ZSCAN2: variants seen among roughly 807,000 people sequenced by gnomAD.
ZSCAN2 encodes zinc finger and SCAN domain containing 2.
A neutral mutation model predicts 47.8 loss-of-function variants in ZSCAN2; 26 were observed. The observed-to-expected ratio is 0.54, with a 90% CI of 0.40 to 0.75. The LOEUF (loss-of-function observed/expected upper bound fraction) is 0.75. Among genes scored for constraint, ZSCAN2 ranks in the 30% least tolerant of loss-of-function variants. ZSCAN2 has a pLI of 0.00. For synonymous variants in ZSCAN2, 305 were observed against 288.7 expected (o/e 1.06, Z -0.57); for missense variants, 732 against 785.4 (o/e 0.93, Z 0.81).
chr15:84,615,618 A>G (rs185179994), intron 2 of ZSCAN2, among the ~76,000 whole-genome samples: 1 of 152,098 alleles, frequency 6.6e-6, no homozygotes, highest in Non-Finnish European at 1.5e-5. Context: ...ACCTGAGCCA[A>G]CGCGCCTGGC....
intron 2 of ZSCAN2, among the ~76,000 whole-genome samples, chr15:84,617,987 C>A (rs535874069): frequency 6.6e-6 from 1 of 152,278 alleles, no homozygotes; most frequent in Non-Finnish European, 1.5e-5. Context: ...TGACTGAAGG[C>A]AAGAGTGGAG....
At chr15:84,619,285 C>T (rs945438458) in intron 2 of ZSCAN2, among the ~76,000 whole-genome samples, 2 of 152,082 alleles carry the variant, frequency 1.3e-5, no homozygotes, top group African/African-American at 4.8e-5. Context: ...AAAAAATTAG[C>T]CGGGTGTGGT....
At chr15:84,619,104 T>G (rs1895757726) in intron 2 of ZSCAN2, among the ~76,000 whole-genome samples, 1 of 152,192 alleles carries the variant, frequency 6.6e-6, no homozygotes, top group Non-Finnish European at 1.5e-5. Flanking sequence ...ACTGGAAGGT[T>G]TAACAAGTTC....
intron 2 of ZSCAN2, chr15:84,614,443 C>A (rs1208833078): frequency 6.6e-6 from 1 of 152,138 alleles, no homozygotes; most frequent in African/African-American, 2.4e-5. Context: ...GTTAGAATGT[C>A]ATTTCTACAC....
At chr15:84,606,264 C>G in intron 2 of ZSCAN2, 1 of 422,626 alleles carries the variant, frequency 2.4e-6, no homozygotes, top group East Asian at 5.4e-5. Context: ...AGTGACCCAG[C>G]CCTGCCCTGG....
chr15:84,605,603 G>T (rs1449049445), intron 2 of ZSCAN2, among the ~76,000 whole-genome samples: 1 of 152,202 alleles, frequency 6.6e-6, no homozygotes, highest in Non-Finnish European at 1.5e-5. Flanking sequence ...GGAAGGGTGG[G>T]TGAGGGCTTG....
intron 2 of ZSCAN2, among the ~76,000 whole-genome samples, chr15:84,604,654 G>A (rs933699636): frequency 2.6e-5 from 4 of 152,126 alleles, no homozygotes; most frequent in African/African-American, 7.2e-5. Context: ...GCACCTTCAC[G>A]TGGTTGTGCA....
In ZSCAN2 at chr15:84,621,848, C is replaced by A; in HGVS notation, c.1653C>A (p.Ala551=). 6.2e-7 allele frequency: 1 copy of A among 1,614,150 alleles called. No individual in the cohort carries two copies. The highest frequency in any genetic ancestry group is 8.5e-7 in the Non-Finnish European group (1 of 1,180,024). The change falls in exon 3 of 3, where the codon GCC becomes GCA. Residue 551 remains alanine (A), a synonymous_variant. Transcript: ENST00000546148. This position sits in a 1 kb window ranked among gnomAD's most constrained non-coding sequence, Gnocchi z 5.7. ...RGSILVMHQR[A]HLGDKPYRCP... ...CCATTCTGGTCATGCACCAGAGAGC[C>A]CATTTGGGAGACAAGCCCTACAGGT...
intron 2 of ZSCAN2, among the ~76,000 whole-genome samples, chr15:84,617,129 GAA>G (rs111829575): frequency 3.8e-4 from 53 of 141,144 alleles, no homozygotes; most frequent in South Asian, 1.3e-3. Context: ...TCTCAAAAAA[GAA>G]AAAAAAAAAA....
intron 2 of ZSCAN2, chr15:84,606,694 T>A: frequency 6.6e-7 from 1 of 1,509,874 alleles, no homozygotes; most frequent in Non-Finnish European, 8.8e-7. Context: ...TCTCAGCAGG[T>A]GTCAGAGGTG....
chr15:84,622,820 A>T lies in ZSCAN2; in HGVS notation c.*780A>T. The T allele has an allele frequency of 1.6e-6, 1 of 634,034 alleles. No homozygotes were observed. Among genetic ancestry groups the T allele is most frequent in the Non-Finnish European group, 2.9e-6 (1 of 347,382 alleles). The allele number at this position is 634,034 out of a possible 1,614,324, so 39.3% of individuals were successfully genotyped here. ...GTGGTAGATCAGCTACCAGGGGAACACATTTGTTCTCGTGGGGTTTTGTCC... is the reference window on the plus strand; with the variant it reads ...GTGGTAGATCAGCTACCAGGGGAACTCATTTGTTCTCGTGGGGTTTTGTCC... On this transcript the variant is annotated 3_prime_UTR_variant, in exon 3 of 3. Coordinates refer to ENST00000546148, the MANE Select transcript of ZSCAN2 (RefSeq NM_181877.4).
rs897924294 is a variant in ZSCAN2, at chr15:84,621,271, A to G, written c.1076A>G (p.Glu359Gly). The change falls in exon 3 of 3, where the codon GAA becomes GGA. Residue 359 changes from glutamate to glycine, a missense_variant. Physicochemically the swap from Glu to Gly is moderately conservative, Grantham distance 98 (BLOSUM62 -2). Transcript: ENST00000546148. This position sits in a 1 kb window ranked among gnomAD's most constrained non-coding sequence, Gnocchi z 5.7. ...ACGCATCAGGGGATCCACACTGGAG[A>G]AAAGCCCTACGAATGTAAAGAATGC... ...LNTHQGIHTG[E>G]KPYECKECGE... 16 of 1,613,818 alleles carry G rather than the reference A, an allele frequency of 9.9e-6. No individual in the cohort carries two copies. The highest frequency in any genetic ancestry group is 1.4e-5 in the Non-Finnish European group (16 of 1,179,994).
At position 84,621,097 on chromosome 15, in the gene ZSCAN2, C is replaced by T. The variant is rs765317503; in HGVS notation, c.902C>T (p.Thr301Met). Residue 301 changes from threonine to methionine, a missense_variant, in exon 3 of 3, where the codon ACG becomes ATG. By Grantham distance (81) the Thr-to-Met change is moderately conservative (BLOSUM62 -1). Around this residue, in one of 2 missense-constraint regions of ZSCAN2, gnomAD observed 412 missense variants for 498.0 expected, o/e 0.83. Coordinates refer to ENST00000546148, the MANE Select transcript of ZSCAN2 (RefSeq NM_181877.4). The surrounding 1 kb of genome is among the most constrained non-coding windows in gnomAD (Gnocchi z 5.7). ...ANLITHQRIH[T>M]GEKPFQCAEC... Reference sequence around the variant, plus strand: ...CTCATAACCCACCAGAGGATCCACACGGGGGAAAAGCCCTTCCAGTGTGCC... The same window carrying T: ...CTCATAACCCACCAGAGGATCCACATGGGGGAAAAGCCCTTCCAGTGTGCC... 1.2e-5 allele frequency: 19 copies of T among 1,613,886 alleles called. No individual in the cohort carries two copies. The highest frequency in any genetic ancestry group is 2.7e-5 in the African/African-American group (2 of 74,866).
rs11459006 is a variant in ZSCAN2, at chr15:84,604,738, CTTTTTTTTT to C, written c.406+414_406+422del. ...TCAACATGACTTTTTTTTCTTTTTT[CTTTTTTTTT>C]TTTTTTTTGAAACGGAGTCTCGCTC... is the stretch of plus-strand genomic sequence containing the variant. On this transcript the variant is annotated intron_variant, in intron 2 of 2. Coordinates refer to ENST00000546148, the MANE Select transcript of ZSCAN2 (RefSeq NM_181877.4). Among the ~76,000 whole-genome samples, 258 of 129,010 alleles carry C rather than the reference CTTTTTTTTT, an allele frequency of 2.0e-3. 7 individuals carry two copies. The East Asian group carries it at 0.048, about 24-fold the overall frequency. The allele number at this position is 129,010 out of a possible 152,430, so 84.6% of individuals were successfully genotyped here. A position where few individuals can be genotyped will look rare whatever the true frequency, so the allele number is the denominator to read the frequency against.
At chr15:84,602,995 G>T (rs1895257816) in intron 1 of ZSCAN2, among the ~76,000 whole-genome samples, 1 of 152,124 alleles carries the variant, frequency 6.6e-6, no homozygotes, top group African/African-American at 2.4e-5. Flanking sequence ...TTAAGATAAA[G>T]TACTGAGGGG....
At chr15:84,620,342 A>G (rs1303465963) in intron 2 of ZSCAN2, among the ~76,000 whole-genome samples, 2 of 152,164 alleles carry the variant, frequency 1.3e-5, no homozygotes, top group Non-Finnish European at 2.9e-5. Flanking sequence ...CCAATCTATC[A>G]TTGATGGGCA....
At chr15:84,615,146 G>A (rs1402262790) in intron 2 of ZSCAN2, among the ~76,000 whole-genome samples, 1 of 152,030 alleles carries the variant, frequency 6.6e-6, no homozygotes, top group Non-Finnish European at 1.5e-5. Flanking sequence ...AGTAGAGACG[G>A]GGTTTCACCA....
chr15:84,601,556 T>C (rs530266727), intron 1 of ZSCAN2, among the ~76,000 whole-genome samples: 46 of 152,234 alleles, frequency 3.0e-4, no homozygotes, highest in Non-Finnish European at 3.7e-4. Context: ...GTATTTCTTC[T>C]AGTCATTTGA....
Position 84,620,981 on chromosome 15 carries a change from T to C in ZSCAN2, c.786T>C (p.Gly262=). ...CDECGKSFSD[G]SNFSRHQTTH... ...AATGTGGAAAAAGCTTTAGTGATGG[T>C]TCAAATTTTAGTAGACACCAAACCA... The change falls in exon 3 of 3, where the codon GGT becomes GGC. Residue 262 remains glycine, a synonymous_variant. Coordinates refer to ENST00000546148, the MANE Select transcript of ZSCAN2 (RefSeq NM_181877.4). The C allele has an allele frequency of 1.2e-6, 2 of 1,611,574 alleles. No homozygotes were observed. The highest frequency in any genetic ancestry group is 8.5e-7 in the Non-Finnish European group (1 of 1,179,252).
Sources: allele counts gnomAD v4.1 joint callset (sites outside exome capture counted in the v4.1 genomes callset), GRCh38; gene constraint gnomAD v4.1.1; regional missense constraint gnomAD v4.1.1; non-coding constraint Gnocchi (gnomAD v3.1); transcripts MANE v1.5; gene names NCBI Gene and HGNC (gene_info 2026-07-23, HGNC 2026-07-21).